PTPRD: variants seen among roughly 807,000 people sequenced by gnomAD.
PTPRD encodes the protein receptor-type tyrosine-protein phosphatase delta.
A neutral mutation model predicts 214.5 loss-of-function variants in PTPRD; 34 were observed. The observed-to-expected ratio is 0.16, with a 90% CI of 0.12 to 0.21. PTPRD has a LOEUF of 0.21. Ranked by LOEUF, PTPRD falls within the 10% of genes least tolerant of loss-of-function variation. PTPRD has a pLI of 1.00. For synonymous variants in PTPRD, 1,128 were observed against 845.7 expected, an observed-to-expected ratio of 1.33 and a Z score of -5.79; for missense variants, 2,545 against 2,398.7, an observed-to-expected ratio of 1.06 and a Z score of -1.27.
At chr9:10,183,819 G>C (rs1418618363) in intron 3 of PTPRD, among the ~76,000 whole-genome samples, 3 of 152,004 alleles carry the variant, frequency 2.0e-5, no homozygotes, top group Non-Finnish European at 4.4e-5. Flanking sequence ...TAAACTAGTA[G>C]GCAAACAATG....
At chr9:9,513,505 T>G (rs1284938671) in intron 8 of PTPRD, among the ~76,000 whole-genome samples, 1 of 151,822 alleles carries the variant, frequency 6.6e-6, no homozygotes, top group East Asian at 1.9e-4. Flanking sequence ...ACATTTTGCT[T>G]TTTCTTAAAG....
intron 9 of PTPRD, among the ~76,000 whole-genome samples, chr9:9,366,159 C>T (rs776420692): frequency 5.9e-4 from 90 of 151,398 alleles, no homozygotes; most frequent in South Asian, 1.9e-3. Flanking sequence ...AAATAATTAC[C>T]AACTGACCAA....
intron 7 of PTPRD, among the ~76,000 whole-genome samples, chr9:9,678,158 G>C (rs1265858159): frequency 6.6e-6 from 1 of 152,046 alleles, no homozygotes; most frequent in East Asian, 1.9e-4. Context: ...GTAATTTATA[G>C]ATTCAATGCC....
intron 11 of PTPRD, among the ~76,000 whole-genome samples, chr9:8,930,131 C>A (rs908379892): frequency 6.8e-6 from 1 of 148,032 alleles, no homozygotes; most frequent in African/African-American, 2.5e-5. Context: ...CCACAACAGG[C>A]CCCAGTGTGT....
chr9:9,635,702 C>T (rs1371141346), intron 7 of PTPRD, among the ~76,000 whole-genome samples: 2 of 152,162 alleles, frequency 1.3e-5, no homozygotes, highest in African/African-American at 2.4e-5. Context: ...CCTGGACTAC[C>T]AGTTACTTCA....
rs888897606 is a variant in PTPRD, at chr9:8,943,635, G to T, written c.-104+75062C>A. On this transcript the variant is annotated intron_variant, in intron 11 of 45. Transcript: ENST00000381196. ...TAATTTATTTTTAACCATTTATTCTGGGAAATAATAAATTATTTTCCAGAT... is the reference window on the plus strand; with the variant it reads ...TAATTTATTTTTAACCATTTATTCTTGGAAATAATAAATTATTTTCCAGAT... 1.4e-5 allele frequency among the ~76,000 whole-genome samples: 2 copies of T among 147,940 alleles called. 1 individual carries two copies. The highest frequency in any genetic ancestry group is 4.0e-4 in the East Asian group (2 of 5,010).
At chr9:9,942,888 CTGAGT>C (rs2091845081) in intron 4 of PTPRD, among the ~76,000 whole-genome samples, 1 of 138,062 alleles carries the variant, frequency 7.2e-6, no homozygotes. Flanking sequence ...AAACATTGCT[CTGAGT>C]TGTTTTTTTT....
intron 9 of PTPRD, among the ~76,000 whole-genome samples, chr9:9,390,214 G>T (rs1478717578): frequency 6.6e-6 from 1 of 152,136 alleles, no homozygotes. Context: ...ATGGAGGTGG[G>T]AAACCATGTC....
intron 8 of PTPRD, among the ~76,000 whole-genome samples, chr9:9,565,520 T>A (rs1169163766): frequency 6.6e-6 from 1 of 151,906 alleles, no homozygotes; most frequent in African/African-American, 2.4e-5. Context: ...TGAAGAATAA[T>A]TTTTCCTTTC....
intron 2 of PTPRD, among the ~76,000 whole-genome samples, chr9:10,509,677 T>C (rs956516496): frequency 8.6e-5 from 13 of 150,384 alleles, no homozygotes; most frequent in East Asian, 3.9e-4. Flanking sequence ...TCTACTGCAC[T>C]CTTACGATTG....
chr9:10,241,255 G>A (rs1049244445), intron 3 of PTPRD, among the ~76,000 whole-genome samples: 1 of 151,962 alleles, frequency 6.6e-6, no homozygotes, highest in East Asian at 1.9e-4. Context: ...TAGTGGGAAT[G>A]TAAAATGGTG....
At chr9:10,472,782 T>C (rs1267932816) in intron 2 of PTPRD, among the ~76,000 whole-genome samples, 1 of 152,018 alleles carries the variant, frequency 6.6e-6, no homozygotes, top group African/African-American at 2.4e-5. Flanking sequence ...ATTAAACATA[T>C]ATCTGATATA....
At chr9:9,313,685 A>T (rs1398936897) in intron 9 of PTPRD, among the ~76,000 whole-genome samples, 1 of 152,180 alleles carries the variant, frequency 6.6e-6, no homozygotes, top group Non-Finnish European at 1.5e-5. Flanking sequence ...GGTCAGGCAG[A>T]GAAGGTGTTT....
intron 6 of PTPRD, among the ~76,000 whole-genome samples, chr9:9,745,231 G>A (rs2098445327): frequency 6.6e-6 from 1 of 152,020 alleles, no homozygotes; most frequent in African/African-American, 2.4e-5. Context: ...GAAATAGATT[G>A]TGTGGCTGTT....
Position 8,375,977 on chromosome 9 carries a change from G to C in PTPRD, c.4620C>G (p.Thr1540=), listed in dbSNP as rs1296536639. ...TCGGACCAGCATCGGGAGGGTTACAGGTTTTGACTCTACGTAAGAAAGCTA... is the reference window on the plus strand; with the variant it reads ...TCGGACCAGCATCGGGAGGGTTACACGTTTTGACTCTACGTAAGAAAGCTA... ...PFLAFLRRVK[T]CNPPDAGPMV... Residue 1540 remains threonine (T), a synonymous_variant, in exon 39 of 46, where the codon ACC becomes ACG. Coordinates refer to ENST00000381196, the MANE Select transcript of PTPRD (RefSeq NM_002839.4). 1.2e-6 allele frequency: 2 copies of C among 1,612,792 alleles called. No homozygotes were observed. Among genetic ancestry groups the C allele is most frequent in the African/African-American group, 1.3e-5 (1 of 74,806 alleles).
intron 8 of PTPRD, among the ~76,000 whole-genome samples, chr9:9,522,226 C>T (rs900153545): frequency 6.7e-6 from 1 of 148,576 alleles, no homozygotes; most frequent in Admixed American, 6.7e-5. Flanking sequence ...AAGTTGACAA[C>T]CTTTAATTTA....
intron 12 of PTPRD, among the ~76,000 whole-genome samples, chr9:8,725,044 G>C (rs543479738): frequency 5.3e-5 from 8 of 152,208 alleles, no homozygotes; most frequent in African/African-American, 1.9e-4. Flanking sequence ...TTAACTTCCT[G>C]GTTTTGATAA....
intron 5 of PTPRD, among the ~76,000 whole-genome samples, chr9:9,806,301 T>A (rs2099072754): frequency 6.6e-6 from 1 of 152,008 alleles, no homozygotes; most frequent in Non-Finnish European, 1.5e-5. Context: ...TCCCGATACA[T>A]AGAAAACACG....
At chr9:9,562,636 C>G (rs549889674) in intron 8 of PTPRD, among the ~76,000 whole-genome samples, 240 of 152,198 alleles carry the variant, frequency 1.6e-3, no homozygotes, top group African/African-American at 5.4e-3. Flanking sequence ...CAGCCTTTGC[C>G]TTTACAATTA....
Sources: allele counts gnomAD v4.1 joint callset (sites outside exome capture counted in the v4.1 genomes callset), GRCh38; gene constraint gnomAD v4.1.1; transcripts MANE v1.5; gene names NCBI Gene and HGNC (gene_info 2026-07-23, HGNC 2026-07-21).